AP2B1: variants seen among roughly 807,000 people sequenced by gnomAD.
AP2B1 encodes the protein AP-2 complex subunit beta.
Under a neutral mutation model 102.0 loss-of-function variants are expected in AP2B1, and 23 were observed. The ratio of observed to expected loss-of-function variants is 0.23; its 90% CI spans 0.16 to 0.32. AP2B1 has a LOEUF of 0.32. Ranked by LOEUF, AP2B1 falls within the 10% of genes least tolerant of loss-of-function variation. The pLI is 1.00. For missense variants in AP2B1, 541 were observed against 1,157.4 expected (o/e 0.47, Z 7.73); for synonymous variants, 381 against 421.2 (o/e 0.90, Z 1.17).
Position 35,604,039 on chromosome 17 carries a change from C to T in AP2B1, c.144-1666C>T, listed in dbSNP as rs1042684377. Among the ~76,000 whole-genome samples, 9 of 152,014 alleles carry T rather than the reference C, an allele frequency of 5.9e-5. No homozygotes were observed. The East Asian group carries it at 7.9e-4, about 13-fold the overall frequency. ...TTCCACGAATGGATTATCTAAGGCA[C>T]CCACCCAATGAGAGAAACCATGTTA... On this transcript the variant is annotated intron_variant, in intron 3 of 21. Coordinates refer to ENST00000610402, the MANE Select transcript of AP2B1 (RefSeq NM_001030006.2).
At position 35,659,601 on chromosome 17, in the gene AP2B1, T is replaced by A. The variant is rs181103988; in HGVS notation, c.1989+1810T>A. 9.9e-4 allele frequency among the ~76,000 whole-genome samples: 151 copies of A among 152,314 alleles called. 1 individual carries two copies. The highest frequency in any genetic ancestry group is 1.9e-3 in the Non-Finnish European group (130 of 68,022). ...GCACACAGGCCTATTTCCTTTTTTT[T>A]TATATAAGGGATATTCTTTTGGGGA... On this transcript the variant is annotated intron_variant, in intron 14 of 21. Transcript: ENST00000610402.
Position 35,646,461 on chromosome 17 carries a change from T to C in AP2B1, c.1537-4069T>C, listed in dbSNP as rs202076970. Among the ~76,000 whole-genome samples the C allele has an allele frequency of 9.2e-5, 14 of 152,246 alleles. No homozygotes were observed. The East Asian group carries it at 1.7e-3, about 19-fold the overall frequency. On this transcript the variant is annotated intron_variant, in intron 12 of 21. Transcript: ENST00000610402. The stretch of plus-strand genomic sequence containing the variant: ...AGATTTGCACTCATTTCTCATAGGA[T>C]TGTATTTTTCAAGTTAGTGTCTGTT...
intron 18 of AP2B1, among the ~76,000 whole-genome samples, chr17:35,688,468 G>A (rs1329501401): frequency 6.6e-6 from 1 of 152,042 alleles, no homozygotes. Context: ...ATCATGCTGG[G>A]TACTCATTGG....
chr17:35,693,803 T>C (rs2076086881), intron 18 of AP2B1, among the ~76,000 whole-genome samples: 1 of 152,140 alleles, frequency 6.6e-6, no homozygotes, highest in East Asian at 1.9e-4. Flanking sequence ...GACAGTAATA[T>C]GTATATGTAT....
At chr17:35,663,287 A>G (rs866288409) in intron 14 of AP2B1, among the ~76,000 whole-genome samples, 1 of 152,348 alleles carries the variant, frequency 6.6e-6, no homozygotes. Flanking sequence ...GGCTGGCCTC[A>G]GACAGTTTTG....
chr17:35,673,231 G>T (rs940737255), intron 16 of AP2B1, among the ~76,000 whole-genome samples: 3 of 151,120 alleles, frequency 2.0e-5, no homozygotes, highest in Non-Finnish European at 4.4e-5. Flanking sequence ...TTTTTTTTTA[G>T]ACGGAGTCTC....
At chr17:35,665,951 G>A (rs1343659182) in intron 14 of AP2B1, among the ~76,000 whole-genome samples, 1 of 152,180 alleles carries the variant, frequency 6.6e-6, no homozygotes, top group African/African-American at 2.4e-5. Context: ...TATCTCAGAT[G>A]ATATTCCTTT....
At chr17:35,627,985 C>T (rs371240032) in intron 9 of AP2B1, among the ~76,000 whole-genome samples, 6 of 152,078 alleles carry the variant, frequency 3.9e-5, no homozygotes, top group East Asian at 1.9e-4. Flanking sequence ...CCATGAGTTC[C>T]ACATCCGTGG....
chr17:35,668,909 T>A (rs1489004508), intron 14 of AP2B1, among the ~76,000 whole-genome samples: 1 of 152,214 alleles, frequency 6.6e-6, no homozygotes, highest in African/African-American at 2.4e-5. Context: ...TCCAGCTAGT[T>A]TGCAAAGCTT....
chr17:35,660,905 T>C (rs1425167102), intron 14 of AP2B1, among the ~76,000 whole-genome samples: 3 of 152,206 alleles, frequency 2.0e-5, no homozygotes, highest in African/African-American at 4.8e-5. Context: ...TCTTTTGCCC[T>C]GTAGGGAGAA....
At chr17:35,699,690 A>C (rs1373697080) in intron 18 of AP2B1, among the ~76,000 whole-genome samples, 1 of 152,230 alleles carries the variant, frequency 6.6e-6, no homozygotes, top group Non-Finnish European at 1.5e-5. Flanking sequence ...GTCTAATATC[A>C]TAAATAGACC....
At chr17:35,667,095 C>A (rs2075484129) in intron 14 of AP2B1, among the ~76,000 whole-genome samples, 1 of 152,156 alleles carries the variant, frequency 6.6e-6, no homozygotes, top group African/African-American at 2.4e-5. Context: ...CTCCTTCCTC[C>A]TGTTTATCAC....
chr17:35,684,383 T>A (rs1022047331), intron 18 of AP2B1, among the ~76,000 whole-genome samples: 3 of 152,218 alleles, frequency 2.0e-5, no homozygotes, highest in African/African-American at 7.2e-5. Context: ...CATTGTTTAA[T>A]CTAGAAATAC....
At chr17:35,720,600 T>TA (rs397952315) in intron 21 of AP2B1, among the ~76,000 whole-genome samples, 3 of 118,054 alleles carry the variant, frequency 2.5e-5, no homozygotes, top group South Asian at 2.8e-4. Context: ...TTTTTTTTTT[T>TA]AATATAGAGA....
chr17:35,676,213 G>T (rs993417798), intron 17 of AP2B1, among the ~76,000 whole-genome samples: 2 of 152,128 alleles, frequency 1.3e-5, no homozygotes, highest in African/African-American at 4.8e-5. Flanking sequence ...AATTGGTGGT[G>T]ATTGCAAATC....
chr17:35,606,242 A>ATT (rs35218837), intron 4 of AP2B1, among the ~76,000 whole-genome samples: 30 of 145,378 alleles, frequency 2.1e-4, no homozygotes, highest in Admixed American at 5.5e-4. Context: ...CATTTGATTA[A>ATT]TTTTTTTTTT....
intron 14 of AP2B1, among the ~76,000 whole-genome samples, chr17:35,658,285 T>C (rs1421296353): frequency 5.4e-5 from 8 of 149,308 alleles, no homozygotes; most frequent in Non-Finnish European, 1.2e-4. Context: ...TCTTCTTCTT[T>C]TTTTTTTTTT....
intron 13 of AP2B1, 49 bp from the exon 14 acceptor site, chr17:35,657,550 G>A: frequency 6.5e-7 from 1 of 1,533,578 alleles, no homozygotes; most frequent in Non-Finnish European, 8.9e-7. Context: ...TATGTCCTAG[G>A]TGAAACTGAC....
intron 5 of AP2B1, among the ~76,000 whole-genome samples, chr17:35,616,215 A>G (rs1212163445): frequency 8.7e-6 from 1 of 114,428 alleles, no homozygotes; most frequent in African/African-American, 3.4e-5. Flanking sequence ...CCCAGGCTGG[A>G]GTGCAGTGGC....
Sources: allele counts gnomAD v4.1 joint callset (sites outside exome capture counted in the v4.1 genomes callset), GRCh38; gene constraint gnomAD v4.1.1; transcripts MANE v1.5; gene names NCBI Gene and HGNC (gene_info 2026-07-23, HGNC 2026-07-21).